Variants in XPO6 observed in about 807,000 individuals in gnomAD.
XPO6 encodes exportin 6, also known as exportin-6.
In XPO6, 3 loss-of-function variants were observed where a neutral mutation model predicts 130.0. That is an observed-to-expected ratio of 0.02 (90% CI 0.01 to 0.06). XPO6 has a LOEUF of 0.06. Among genes scored for constraint, XPO6 ranks in the 10% least tolerant of loss-of-function variants. The probability of loss-of-function intolerance (pLI) is 1.00; values close to 1 mark genes in which losing one functional copy is unlikely to be tolerated. For missense variants in XPO6, 970 were observed against 1,393.0 expected (o/e 0.70, Z 4.83); for synonymous variants, 524 against 548.9 (o/e 0.95, Z 0.63).
Position 28,171,452 on chromosome 16 carries a change from C to CA in XPO6, c.406-1544dup, listed in dbSNP as rs36000498. 1.4e-3 allele frequency among the ~76,000 whole-genome samples: 134 copies of CA among 99,090 alleles called. 3 individuals are homozygous for CA. The highest frequency in any genetic ancestry group is 5.2e-3 in the African/African-American group (129 of 24,674). 65.0% of individuals were successfully genotyped at this position (99,090 alleles called of 152,430 possible). A position where few individuals can be genotyped will look rare whatever the true frequency, so the allele number is the denominator to read the frequency against. ...TGGGCAAGAGAGCAAGACTCTGTCTCAAAAAAAAAAAAAAAAAAAAAGAAA... is the reference window on the plus strand; with the variant it reads ...TGGGCAAGAGAGCAAGACTCTGTCTCAAAAAAAAAAAAAAAAAAAAAAGAAA... On this transcript the variant is annotated intron_variant, in intron 4 of 23. Coordinates refer to ENST00000304658, the MANE Select transcript of XPO6 (RefSeq NM_015171.4).
rs754390489 is a variant in XPO6 at position 28,110,688 on chromosome 16, T to C, written c.2341+1129A>G. 2.2e-4 allele frequency among the ~76,000 whole-genome samples: 33 copies of C among 152,358 alleles called. No individual in the cohort carries two copies. In the Middle Eastern group the frequency reaches 0.01, roughly 47 times the overall value. On this transcript the variant is annotated intron_variant, in intron 17 of 23. Transcript: ENST00000304658. Reference sequence around the variant, plus strand: ...CAAGCCCTGGGCAAGTTCCTTAATCTTCTAGACCTCAGCTTCCTCATGCTA... The same window carrying C: ...CAAGCCCTGGGCAAGTTCCTTAATCCTCTAGACCTCAGCTTCCTCATGCTA...
At chr16:28,211,238 AC>A (rs2044125251) in intron 1 of XPO6, 127 bp downstream of exon 1, 14 of 993,052 alleles carry the variant, frequency 1.4e-5, no homozygotes, top group Non-Finnish European at 1.9e-5. Flanking sequence ...CGCATGTGTC[AC>A]CGGCCAGGCT....
intron 7 of XPO6, chr16:28,154,094 C>G: frequency 2.0e-6 from 2 of 985,176 alleles, no homozygotes; most frequent in Non-Finnish European, 2.4e-6. Flanking sequence ...CAGGAACATA[C>G]AAAGACACTT....
chr16:28,169,883 G>C lies in XPO6; in HGVS notation c.432C>G (p.Pro144=), dbSNP rs764443908. The C allele has an allele frequency of 2.3e-5, 37 of 1,614,016 alleles. No homozygotes were observed. The East Asian group carries it at 8.0e-4, about 35-fold the overall frequency. The change falls in exon 5 of 24, where the codon CCC becomes CCG. Residue 144 remains proline, a synonymous_variant. Coordinates refer to ENST00000304658, the MANE Select transcript of XPO6 (RefSeq NM_015171.4). The stretch of plus-strand genomic sequence containing the variant: ...TTGTCTTCAACATGATCAGCCCAAG[G>C]GGGGTTGTCACAGGGGACTGGATCA... ...LQLIQSPVTT[P]LGLIMLKTTS...
At chr16:28,142,110 CA>C in intron 9 of XPO6, among the ~76,000 whole-genome samples, 1 of 152,342 alleles carries the variant, frequency 6.6e-6, no homozygotes, top group African/African-American at 2.4e-5. Flanking sequence ...GTGACTTAAC[CA>C]CACCTACATT....
chr16:28,203,501 C>T (rs7198254), intron 1 of XPO6, among the ~76,000 whole-genome samples: 63,853 of 151,842 alleles, frequency 0.42, 15,603 homozygotes, highest in African/African-American at 0.69. Context: ...CCAGGGCCAA[C>T]TACCTTCATG....
chr16:28,134,976 G>C (rs1031843409), intron 10 of XPO6, among the ~76,000 whole-genome samples: 1 of 152,160 alleles, frequency 6.6e-6, no homozygotes, highest in Non-Finnish European at 1.5e-5. Flanking sequence ...TTGTGCATAT[G>C]GTTTCTCTAC....
chr16:28,102,838 G>C (rs528739504), intron 21 of XPO6, among the ~76,000 whole-genome samples: 44 of 152,274 alleles, frequency 2.9e-4, no homozygotes, highest in African/African-American at 1.1e-3. Context: ...AGAATAGAAA[G>C]TGACCATGGG....
intron 13 of XPO6, 107 bp downstream of exon 13, chr16:28,125,582 A>T: frequency 1.4e-6 from 2 of 1,399,096 alleles, no homozygotes; most frequent in Non-Finnish European, 1.9e-6. Context: ...GCCTAGATTT[A>T]CCCGGGGCCA....
rs2044132707 is a variant in XPO6 at position 28,211,558 on chromosome 16, G to C, written c.-190C>G. The C allele has an allele frequency of 2.1e-6, 1 of 477,774 alleles. No homozygotes were observed. The highest frequency in any genetic ancestry group is 3.5e-6 in the Non-Finnish European group (1 of 287,054). The allele number at this position is 477,774 out of a possible 1,614,324, so 29.6% of individuals were successfully genotyped here. Reference sequence around the variant, plus strand: ...GGCCGCCCGGGTCGCCTCATCGGGGGACCCCGAGACAATTCATCCAGACCC... The same window carrying C: ...GGCCGCCCGGGTCGCCTCATCGGGGCACCCCGAGACAATTCATCCAGACCC... On this transcript the variant is annotated 5_prime_UTR_variant, in exon 1 of 24. Coordinates refer to ENST00000304658, the MANE Select transcript of XPO6 (RefSeq NM_015171.4).
At chr16:28,124,323 G>A (rs1403577403) in intron 13 of XPO6, among the ~76,000 whole-genome samples, 2 of 152,196 alleles carry the variant, frequency 1.3e-5, no homozygotes, top group Non-Finnish European at 2.9e-5. Context: ...CTCCCAAAGT[G>A]TTGGGATTAC....
In XPO6 at chr16:28,101,649, C is replaced by A. The variant is rs14672; in HGVS notation, c.3085G>T (p.Val1029Leu). 1.2e-6 allele frequency: 2 copies of A among 1,612,690 alleles called. No individual in the cohort carries two copies. Among genetic ancestry groups the A allele is most frequent in the East Asian group, 4.5e-5 (2 of 44,808 alleles). ...TTGTGGACCAGGACCTGGAGCAGCA[C>A]GTTCACAAACTGGAACAGCATGGCA... is the stretch of plus-strand genomic sequence containing the variant. The part of the protein sequence containing the change: ...RTAMLFQFVN[V>L]LLQVLVHKSH... Residue 1029 changes from valine to leucine, a missense_variant, in exon 23 of 24, where the codon GTG becomes TTG. Coordinates refer to ENST00000304658, the MANE Select transcript of XPO6 (RefSeq NM_015171.4). This position sits in a 1 kb window ranked among gnomAD's most constrained non-coding sequence, Gnocchi z 5.4.
chr16:28,109,531 G>A (rs970005678), intron 17 of XPO6, among the ~76,000 whole-genome samples: 23 of 152,090 alleles, frequency 1.5e-4, no homozygotes, highest in African/African-American at 5.6e-4. Context: ...CAGAAGCAAT[G>A]CAAGAGGAAA....
Position 28,106,969 on chromosome 16 carries a change from T to A in XPO6, c.2498-472A>T, listed in dbSNP as rs947346022. 6.6e-6 allele frequency among the ~76,000 whole-genome samples: 1 copy of A among 152,238 alleles called. No individual in the cohort carries two copies. Among genetic ancestry groups the A allele is most frequent in the Non-Finnish European group, 1.5e-5 (1 of 68,048 alleles). On this transcript the variant is annotated intron_variant, in intron 18 of 23. Coordinates refer to ENST00000304658, the MANE Select transcript of XPO6 (RefSeq NM_015171.4). This position sits in a 1 kb window ranked among gnomAD's most constrained non-coding sequence, Gnocchi z 4.2. ...GGCCCTGGTCCATTAAATGGATTAA[T>A]TGCAGAAAATACTGGTTACATATAG...
intron 14 of XPO6, among the ~76,000 whole-genome samples, chr16:28,119,312 T>C (rs529804867): frequency 1.3e-5 from 2 of 152,090 alleles, no homozygotes; most frequent in East Asian, 3.9e-4. Context: ...AGCCAGTGTG[T>C]CCAGCCTAGA....
chr16:28,192,229 C>G (rs904542060), intron 1 of XPO6, among the ~76,000 whole-genome samples: 2 of 142,012 alleles, frequency 1.4e-5, no homozygotes, highest in African/African-American at 5.2e-5. Context: ...GGCCACTGCA[C>G]TCCAGCCTGG....
rs778055089 is a variant in XPO6, at chr16:28,106,176, G to A, written c.2651C>T (p.Thr884Ile). The A allele has an allele frequency of 6.2e-7, 1 of 1,614,188 alleles. No homozygotes were observed. The highest frequency in any genetic ancestry group is 8.5e-7 in the Non-Finnish European group (1 of 1,180,048). The change falls in exon 20 of 24, where the codon ACA becomes ATA. Residue 884 changes from threonine to isoleucine, a missense_variant. Around this residue, in one of 4 missense-constraint regions of XPO6, gnomAD observed 936 missense variants for 1,306.8 expected, o/e 0.72. Transcript: ENST00000304658. The surrounding 1 kb of genome is among the most constrained non-coding windows in gnomAD (Gnocchi z 4.2). ...AAACTTCTCCACCACCCGGCAGCCT[G>A]TGCTGCCCTCGTGGAGGATGCTCTC... is the stretch of plus-strand genomic sequence containing the variant. Reference protein sequence around the residue: ...LAESILHEGSTGCRVVEKFLK... With the variant: ...LAESILHEGSIGCRVVEKFLK...
In XPO6 at chr16:28,111,925, G is replaced by A. The variant is rs1359516010; in HGVS notation, c.2233C>T (p.Pro745Ser). 2 of 1,614,156 alleles carry A rather than the reference G, an allele frequency of 1.2e-6. No individual in the cohort carries two copies. The highest frequency in any genetic ancestry group is 2.2e-5 in the East Asian group (1 of 44,882). ...PNLPENEQQWPVRSINHASLI... is the reference protein window; with the variant it reads ...PNLPENEQQWSVRSINHASLI... Reference sequence around the variant, plus strand: ...CTGGCGTGGTTGATGGAGCGCACGGGCCACTGCTGCTCATTCTCTGGAAGG... The same window carrying A: ...CTGGCGTGGTTGATGGAGCGCACGGACCACTGCTGCTCATTCTCTGGAAGG... Residue 745 changes from proline (P) to serine (S), a missense_variant, in exon 17 of 24, where the codon CCC (proline) becomes TCC (serine). Coordinates refer to ENST00000304658, the MANE Select transcript of XPO6 (RefSeq NM_015171.4).
intron 6 of XPO6, chr16:28,165,490 A>T (rs1487079222): frequency 6.6e-6 from 1 of 152,234 alleles, no homozygotes; most frequent in Non-Finnish European, 1.5e-5. Context: ...AAGCAGTATG[A>T]CAAATGGCTC....
Sources: gnomAD v4.1 joint callset for allele counts (sites outside exome capture counted in the v4.1 genomes callset) on GRCh38, gnomAD v4.1.1 for gene constraint, gnomAD v4.1.1 regional missense constraint, Gnocchi (gnomAD v3.1) non-coding constraint, MANE v1.5 for transcripts, NCBI Gene and HGNC (gene_info 2026-07-23, HGNC 2026-07-21) for gene names.